Variants in MYO3B observed in about 807,000 individuals in gnomAD.
MYO3B encodes myosin-IIIb.
MYO3B carries 156 observed loss-of-function variants against 174.6 expected under a neutral mutation model. The ratio of observed to expected loss-of-function variants is 0.89; its 90% CI spans 0.78 to 1.02. MYO3B has a LOEUF of 1.02. Ranked by LOEUF, MYO3B falls within the 50% of genes least tolerant of loss-of-function variation. The probability of loss-of-function intolerance (pLI) is 0.00; values close to 1 mark genes in which losing one functional copy is unlikely to be tolerated. For missense variants in MYO3B, 1,632 were observed against 1,639.4 expected (o/e 1.00, Z 0.08); for synonymous variants, 563 against 569.1 (o/e 0.99, Z 0.15).
intron 1 of MYO3B, chr2:170,180,198 G>A (rs778225326): frequency 3.2e-5 from 14 of 441,194 alleles, no homozygotes; most frequent in Middle Eastern, 3.3e-4. Flanking sequence ...CTGTACCTCC[G>A]TTAGGGACTA....
intron 8 of MYO3B, chr2:170,345,109 T>G (rs1162472850): frequency 6.6e-6 from 1 of 152,214 alleles, no homozygotes; most frequent in Non-Finnish European, 1.5e-5. Context: ...TTCCACAGGC[T>G]CTGGTGCAGA....
chr2:170,479,165 T>C (rs1441103462), intron 25 of MYO3B, among the ~76,000 whole-genome samples: 1 of 150,124 alleles, frequency 6.7e-6, no homozygotes, highest in Non-Finnish European at 1.5e-5. Flanking sequence ...ATGCCTGTAA[T>C]CTCAGCTACT....
At chr2:170,444,524 G>A (rs2094826106) in intron 23 of MYO3B, among the ~76,000 whole-genome samples, 2 of 152,152 alleles carry the variant, frequency 1.3e-5, no homozygotes, top group Admixed American at 6.5e-5. Flanking sequence ...GGACTGCTTC[G>A]TTAATATTCA....
intron 32 of MYO3B, among the ~76,000 whole-genome samples, chr2:170,602,819 C>T (rs139314024): frequency 0.03 from 4,623 of 152,244 alleles, 262 homozygotes; most frequent in African/African-American, 0.11. Context: ...GTAGTCCCAG[C>T]ACTTTGGGAG....
rs111568224 is a variant in MYO3B at position 170,291,193 on chromosome 2, G to A, written c.750-44192G>A. Among the ~76,000 whole-genome samples the A allele has an allele frequency of 5.3e-3, 795 of 150,392 alleles. 6 individuals carry two copies. Among genetic ancestry groups the A allele is most frequent in the African/African-American group, 0.019 (757 of 40,872 alleles). On this transcript the variant is annotated intron_variant, in intron 7 of 34. Transcript: ENST00000408978. Reference sequence around the variant, plus strand: ...GAACCTGGGAGGCAGAAGCTGCAGTGAGCCGAGATCACACCATTGCACTCC... The same window carrying A: ...GAACCTGGGAGGCAGAAGCTGCAGTAAGCCGAGATCACACCATTGCACTCC...
chr2:170,349,953 G>C (rs1047043318), intron 8 of MYO3B: 3 of 152,144 alleles, frequency 2.0e-5, no homozygotes, highest in Non-Finnish European at 4.4e-5. Flanking sequence ...AAAGTGGTCA[G>C]ATACACCTTC....
intron 32 of MYO3B, among the ~76,000 whole-genome samples, chr2:170,636,855 T>G (rs768935195): frequency 6.7e-6 from 1 of 149,502 alleles, no homozygotes; most frequent in South Asian, 2.2e-4. Context: ...ACCACTGATA[T>G]GAGCCTCCTG....
intron 28 of MYO3B, among the ~76,000 whole-genome samples, chr2:170,507,364 C>T (rs539542115): frequency 6.6e-6 from 1 of 152,166 alleles, no homozygotes; most frequent in South Asian, 2.1e-4. Flanking sequence ...CCCTAGCTCT[C>T]CCATACTTGA....
At chr2:170,638,059 ATTCTT>A (rs961849531) in intron 32 of MYO3B, among the ~76,000 whole-genome samples, 1 of 150,668 alleles carries the variant, frequency 6.6e-6, no homozygotes, top group African/African-American at 2.4e-5. Context: ...TACTACTGAC[ATTCTT>A]TTCTATTTCC....
rs879581840 is a variant in MYO3B, at chr2:170,472,685, T to C, written c.3014+5974T>C. ...GCTCACTTTTTATCTATTTATTTAT[T>C]TATTTATTTATTTATTTATTTATTT... On this transcript the variant is annotated intron_variant, in intron 25 of 34. Coordinates refer to ENST00000408978, the MANE Select transcript of MYO3B (RefSeq NM_138995.5). Among the ~76,000 whole-genome samples, 665 of 136,032 alleles carry C rather than the reference T, an allele frequency of 4.9e-3. 6 individuals carry two copies. Among genetic ancestry groups the C allele is most frequent in the Non-Finnish European group, 8.0e-3 (530 of 66,326 alleles). 89.2% of individuals were successfully genotyped at this position (136,032 alleles called of 152,430 possible).
intron 7 of MYO3B, among the ~76,000 whole-genome samples, chr2:170,297,118 G>A (rs1274967118): frequency 6.6e-6 from 1 of 152,174 alleles, no homozygotes; most frequent in Non-Finnish European, 1.5e-5. Flanking sequence ...AACCATGTGA[G>A]AAATTCACAA....
At chr2:170,595,135 T>G (rs953488285) in intron 32 of MYO3B, among the ~76,000 whole-genome samples, 1 of 152,190 alleles carries the variant, frequency 6.6e-6, no homozygotes, top group African/African-American at 2.4e-5. Context: ...ACCTAAGTTT[T>G]GATTTCTGTA....
rs115602112 is a variant in MYO3B at position 170,550,172 on chromosome 2, A to G, written c.3733+6184A>G. Among the ~76,000 whole-genome samples the G allele has an allele frequency of 6.0e-3, 912 of 152,296 alleles. 2 individuals are homozygous for G. Among genetic ancestry groups the G allele is most frequent in the Non-Finnish European group, 0.01 (685 of 68,022 alleles). The stretch of plus-strand genomic sequence containing the variant: ...CATCTTTTCTTCTTGTCTGGATGCC[A>G]TTGAATTCACCTTAAACCCTCACCA... On this transcript the variant is annotated intron_variant, in intron 32 of 34. Coordinates refer to ENST00000408978, the MANE Select transcript of MYO3B (RefSeq NM_138995.5).
At chr2:170,327,012 AT>A (rs996433849) in intron 7 of MYO3B, among the ~76,000 whole-genome samples, 2 of 152,250 alleles carry the variant, frequency 1.3e-5, no homozygotes, top group African/African-American at 4.8e-5. Flanking sequence ...GTAACTTTAC[AT>A]TTTAGTGATT....
At chr2:170,549,797 A>G (rs193111666) in intron 32 of MYO3B, among the ~76,000 whole-genome samples, 12 of 152,336 alleles carry the variant, frequency 7.9e-5, no homozygotes, top group Non-Finnish European at 1.6e-4. Flanking sequence ...AGATCACTAT[A>G]TCGGGCAAGA....
intron 3 of MYO3B, among the ~76,000 whole-genome samples, chr2:170,208,005 C>T (rs959874718): frequency 2.6e-5 from 4 of 152,190 alleles, no homozygotes; most frequent in Non-Finnish European, 5.9e-5. Context: ...GCCCTATCTC[C>T]TCTGCTGTCA....
intron 1 of MYO3B, among the ~76,000 whole-genome samples, chr2:170,187,005 CTTT>C (rs35780057): frequency 2.2e-5 from 3 of 134,234 alleles, no homozygotes; most frequent in Non-Finnish European, 3.3e-5. Flanking sequence ...TTTGAGTTGT[CTTT>C]TTTTTTTTTT....
intron 9 of MYO3B, 89 bp from the exon 10 acceptor site, chr2:170,381,927 A>G: frequency 9.3e-7 from 1 of 1,070,804 alleles, no homozygotes; most frequent in Non-Finnish European, 1.4e-6. Flanking sequence ...ATATCACGTG[A>G]TAAGATTGTG....
chr2:170,249,984 A>G (rs777061771), intron 7 of MYO3B, among the ~76,000 whole-genome samples: 1 of 152,238 alleles, frequency 6.6e-6, no homozygotes, highest in Admixed American at 6.5e-5. Context: ...CAAGCTCTTC[A>G]TCAGCCACTT....
Sources: allele counts gnomAD v4.1 joint callset (sites outside exome capture counted in the v4.1 genomes callset), GRCh38; gene constraint gnomAD v4.1.1; transcripts MANE v1.5; gene names NCBI Gene and HGNC (gene_info 2026-07-23, HGNC 2026-07-21).